LNPEP: variants seen among roughly 807,000 people sequenced by gnomAD.
The protein encoded by LNPEP is leucyl-cystinyl aminopeptidase.
LNPEP carries 64 observed loss-of-function variants against 120.6 expected under a neutral mutation model. The observed-to-expected ratio is 0.53, with a 90% CI of 0.43 to 0.65. The LOEUF is 0.65. Ranked by LOEUF, LNPEP falls within the 30% of genes least tolerant of loss-of-function variation. The probability of loss-of-function intolerance (pLI) is 0.00; values close to 1 mark genes in which losing one functional copy is unlikely to be tolerated. For synonymous variants in LNPEP, 435 were observed against 425.4 expected, an observed-to-expected ratio of 1.02 and a Z score of -0.28; for missense variants, 1,057 against 1,200.0, an observed-to-expected ratio of 0.88 and a Z score of 1.76.
chr5:97,007,043 G>C (rs1240968229), intron 11 of LNPEP, among the ~76,000 whole-genome samples: 1 of 152,110 alleles, frequency 6.6e-6, no homozygotes. Context: ...AAATATAAAC[G>C]TGGTGTATGC....
intron 11 of LNPEP, among the ~76,000 whole-genome samples, chr5:97,007,933 ATG>A (rs1270200225): frequency 6.6e-6 from 1 of 152,206 alleles, no homozygotes; most frequent in Non-Finnish European, 1.5e-5. Flanking sequence ...AAATACATGA[ATG>A]TGCCAGTTTC....
intron 1 of LNPEP, among the ~76,000 whole-genome samples, chr5:96,951,239 G>A (rs959939607): frequency 1.3e-5 from 2 of 149,800 alleles, no homozygotes; most frequent in African/African-American, 2.4e-5. Context: ...TCACAATGGG[G>A]GTTAGTGCTT....
intron 13 of LNPEP, among the ~76,000 whole-genome samples, chr5:97,015,905 T>A (rs1791055649): frequency 6.6e-6 from 1 of 152,104 alleles, no homozygotes; most frequent in Non-Finnish European, 1.5e-5. Flanking sequence ...TTAACATTTT[T>A]TTTATTATAC....
intron 1 of LNPEP, among the ~76,000 whole-genome samples, chr5:96,946,358 T>A (rs937647024): frequency 6.6e-6 from 1 of 152,146 alleles, no homozygotes. Flanking sequence ...AGAAAAATAA[T>A]TGAATATAGA....
chr5:96,971,894 T>C (rs1581994191), intron 1 of LNPEP, among the ~76,000 whole-genome samples: 1 of 152,232 alleles, frequency 6.6e-6, no homozygotes, highest in Middle Eastern at 3.4e-3. Context: ...CAGGGATTCT[T>C]TTTTATTTAT....
chr5:97,001,160 G>T (rs74821331), intron 8 of LNPEP, among the ~76,000 whole-genome samples: 2,219 of 152,314 alleles, frequency 0.015, 52 homozygotes, highest in South Asian at 0.088. Flanking sequence ...AAGAGGACTA[G>T]TTAGGAAGTT....
chr5:97,021,270 T>G (rs992887413), intron 13 of LNPEP, among the ~76,000 whole-genome samples: 1 of 152,224 alleles, frequency 6.6e-6, no homozygotes, highest in Admixed American at 6.5e-5. Context: ...TTATACACAC[T>G]TGAAAATGAA....
intron 13 of LNPEP, among the ~76,000 whole-genome samples, chr5:97,021,910 T>G (rs549075471): frequency 2.7e-5 from 4 of 148,342 alleles, no homozygotes; most frequent in Middle Eastern, 6.8e-3. Flanking sequence ...GTTTTTTTTG[T>G]TTTTTGTCTT....
intron 7 of LNPEP, 37 bp from the exon 8 acceptor site, chr5:96,997,977 C>T: frequency 7.1e-7 from 1 of 1,407,758 alleles, no homozygotes; most frequent in Non-Finnish European, 9.7e-7. Context: ...GCATTTGATA[C>T]TACTTGTGAT....
chr5:96,989,972 G>A (rs1310856655), intron 4 of LNPEP, among the ~76,000 whole-genome samples: 1 of 152,156 alleles, frequency 6.6e-6, no homozygotes, highest in African/African-American at 2.4e-5. Context: ...GCTCAGTGAT[G>A]GGAGTTGCCA....
intron 7 of LNPEP, 143 bp downstream of exon 7, chr5:96,996,646 T>C (rs1790522744): frequency 3.6e-6 from 2 of 561,930 alleles, no homozygotes; most frequent in African/African-American, 3.8e-5. Context: ...TATTGATATC[T>C]ATACCTTTTG....
chr5:96,977,276 C>T (rs1790020258), intron 1 of LNPEP, among the ~76,000 whole-genome samples: 1 of 151,754 alleles, frequency 6.6e-6, no homozygotes, highest in Admixed American at 6.6e-5. Context: ...TGTGTTGTAG[C>T]AAGTTAAGCT....
At chr5:96,991,214 C>T (rs1291822796) in intron 4 of LNPEP, among the ~76,000 whole-genome samples, 1 of 152,186 alleles carries the variant, frequency 6.6e-6, no homozygotes, top group African/African-American at 2.4e-5. Context: ...TCCCCAATTC[C>T]ATCCAGGTTG....
intron 1 of LNPEP, among the ~76,000 whole-genome samples, chr5:96,974,762 T>C (rs1789947855): frequency 6.6e-6 from 1 of 152,044 alleles, no homozygotes; most frequent in African/African-American, 2.4e-5. Context: ...AATGTAAGGG[T>C]CTCTCTAGGC....
intron 13 of LNPEP, among the ~76,000 whole-genome samples, chr5:97,018,561 T>C (rs1398167074): frequency 6.6e-6 from 1 of 152,112 alleles, no homozygotes; most frequent in African/African-American, 2.4e-5. Flanking sequence ...CCCAGTTAAC[T>C]TTAGCTCACC....
At chr5:96,940,262 A>G (rs1035471540) in intron 1 of LNPEP, among the ~76,000 whole-genome samples, 1 of 152,202 alleles carries the variant, frequency 6.6e-6, no homozygotes, top group African/African-American at 2.4e-5. Flanking sequence ...ATAACCGGTG[A>G]TTATCATTTA....
intron 1 of LNPEP, among the ~76,000 whole-genome samples, chr5:96,940,052 G>GT (rs1156286336): frequency 6.6e-6 from 1 of 152,064 alleles, no homozygotes; most frequent in African/African-American, 2.4e-5. Flanking sequence ...TCTGTCTTAA[G>GT]TTTTTAATTT....
In LNPEP at chr5:96,988,918, G is replaced by A. The variant is rs554297057; in HGVS notation, c.1131+2248G>A. On this transcript the variant is annotated intron_variant, in intron 4 of 17. Transcript: ENST00000231368. ...TTAAACCATACTTCTGGCAAATTCA[G>A]CTATATTTCTAATTGCCTCATTATG... Among the ~76,000 whole-genome samples, 11 of 152,112 alleles carry A rather than the reference G, an allele frequency of 7.2e-5. No homozygotes were observed. In the South Asian group the frequency reaches 1.7e-3, roughly 23 times the overall value.
chr5:96,975,854 G>T (rs1172768054), intron 1 of LNPEP, among the ~76,000 whole-genome samples: 1 of 152,112 alleles, frequency 6.6e-6, no homozygotes, highest in Non-Finnish European at 1.5e-5. Flanking sequence ...CAACATTGAG[G>T]AATGCTAGTT....
Sources: allele counts gnomAD v4.1 joint callset (sites outside exome capture counted in the v4.1 genomes callset), GRCh38; gene constraint gnomAD v4.1.1; transcripts MANE v1.5; gene names NCBI Gene and HGNC (gene_info 2026-07-23, HGNC 2026-07-21).